The following GLCE variants were observed in gnomAD, a reference collection of about 807,000 sequenced individuals.
GLCE encodes the protein glucuronic acid epimerase, also known as D-glucuronyl C5-epimerase.
A neutral mutation model predicts 47.9 loss-of-function variants in GLCE; 19 were observed. The observed-to-expected ratio is 0.40, with a 90% CI of 0.28 to 0.58. The LOEUF (loss-of-function observed/expected upper bound fraction) is 0.58. Ranked by LOEUF, GLCE falls within the 20% of genes least tolerant of loss-of-function variation. The pLI, the probability that GLCE is intolerant of heterozygous loss-of-function variation, is 0.48. For synonymous variants in GLCE, 245 were observed against 263.4 expected (o/e 0.93, Z 0.68); for missense variants, 556 against 743.3 (o/e 0.75, Z 2.93).
At chr15:69,266,818 A>G (rs2053093842) in intron 4 of GLCE, 1 of 415,832 alleles carries the variant, frequency 2.4e-6, no homozygotes, top group African/African-American at 2.1e-5. Context: ...TCCCTGCTCT[A>G]CAACTAATTA....
chr15:69,165,971 T>C (rs902812132), intron 1 of GLCE, among the ~76,000 whole-genome samples: 2 of 152,210 alleles, frequency 1.3e-5, no homozygotes, highest in Admixed American at 1.3e-4. Flanking sequence ...TCTCGCACTT[T>C]AAGAGGTGAT....
At chr15:69,253,592 T>C (rs926278997) in intron 2 of GLCE, among the ~76,000 whole-genome samples, 6 of 152,084 alleles carry the variant, frequency 3.9e-5, no homozygotes, top group Admixed American at 2.6e-4. Context: ...AAGAAAGAAC[T>C]TTATTTTAAA....
intron 3 of GLCE, among the ~76,000 whole-genome samples, chr15:69,258,203 C>G (rs1462576143): frequency 6.6e-6 from 1 of 151,958 alleles, no homozygotes; most frequent in African/African-American, 2.4e-5. Flanking sequence ...TGTGTCCATG[C>G]GTTTTCATCA....
chr15:69,217,160 C>A (rs1400848360), intron 2 of GLCE, among the ~76,000 whole-genome samples: 1 of 151,752 alleles, frequency 6.6e-6, no homozygotes, highest in African/African-American at 2.4e-5. Flanking sequence ...CAATATAAAA[C>A]TTATAAAACA....
chr15:69,173,021 T>A (rs148532422), intron 1 of GLCE, among the ~76,000 whole-genome samples: 6 of 152,348 alleles, frequency 3.9e-5, no homozygotes, highest in Non-Finnish European at 8.8e-5. Flanking sequence ...GCAGTAGATG[T>A]GTGTTTGTTT....
chr15:69,161,666 A>G (rs533746216), intron 1 of GLCE, among the ~76,000 whole-genome samples: 2 of 152,274 alleles, frequency 1.3e-5, no homozygotes, highest in South Asian at 2.1e-4. Flanking sequence ...GATTTACTCA[A>G]TGCTTAGTTG....
intron 2 of GLCE, among the ~76,000 whole-genome samples, chr15:69,242,577 A>T (rs1342036416): frequency 1.3e-5 from 2 of 152,256 alleles, no homozygotes; most frequent in East Asian, 3.9e-4. Context: ...GTAGGAATTG[A>T]TGAGGATTTT....
At chr15:69,235,400 G>T (rs1167180630) in intron 2 of GLCE, among the ~76,000 whole-genome samples, 1 of 144,412 alleles carries the variant, frequency 6.9e-6, no homozygotes, top group Non-Finnish European at 1.5e-5. Context: ...GAGTCACTGT[G>T]CCCGGCCTGA....
At chr15:69,180,016 G>C (rs1462250603) in intron 1 of GLCE, among the ~76,000 whole-genome samples, 1 of 151,710 alleles carries the variant, frequency 6.6e-6, no homozygotes, top group Non-Finnish European at 1.5e-5. Context: ...AGTGCCAAAA[G>C]AACGTATTTA....
In GLCE at chr15:69,269,289, A is replaced by C. The variant is rs766188913; in HGVS notation, c.*45A>C. ...ACTTCAGCCTCTGCTGTACACAGAA[A>C]CTACAGGCTCTGTCTCAGGAGAGCA... On this transcript the variant is annotated 3_prime_UTR_variant, in exon 5 of 5. Transcript: ENST00000261858. The C allele has an allele frequency of 2.5e-5, 37 of 1,472,258 alleles. No homozygotes were observed. In the East Asian group the frequency reaches 7.9e-4, roughly 32 times the overall value. The allele number at this position is 1,472,258 out of a possible 1,614,324, so 91.2% of individuals were successfully genotyped here.
intron 1 of GLCE, chr15:69,197,226 A>C (rs1383271550): frequency 2.4e-5 from 10 of 417,992 alleles, no homozygotes; most frequent in African/African-American, 1.0e-4. Flanking sequence ...TGCCTCATCC[A>C]CCGTATTCAC....
chr15:69,248,213 A>T (rs117675361), intron 2 of GLCE, among the ~76,000 whole-genome samples: 5,031 of 152,310 alleles, frequency 0.033, 124 homozygotes, highest in Non-Finnish European at 0.052. Context: ...AACAACCAAA[A>T]ATATTAGGCA....
intron 3 of GLCE, among the ~76,000 whole-genome samples, chr15:69,256,634 C>G (rs1427074971): frequency 6.6e-6 from 1 of 152,120 alleles, no homozygotes; most frequent in Non-Finnish European, 1.5e-5. Flanking sequence ...AACTCAGAAT[C>G]TAAAATTCTC....
chr15:69,216,790 A>G (rs1277599963), intron 2 of GLCE, among the ~76,000 whole-genome samples: 1 of 152,138 alleles, frequency 6.6e-6, no homozygotes, highest in East Asian at 1.9e-4. Context: ...TATGCCTTAA[A>G]GGATAGCATT....
chr15:69,202,156 A>G (rs979041657), intron 1 of GLCE, among the ~76,000 whole-genome samples: 65 of 151,994 alleles, frequency 4.3e-4, no homozygotes, highest in Admixed American at 1.4e-3. Context: ...CTGGGCTCAA[A>G]CTATCCTTAC....
At chr15:69,200,384 G>T (rs971677630) in intron 1 of GLCE, among the ~76,000 whole-genome samples, 2 of 152,150 alleles carry the variant, frequency 1.3e-5, no homozygotes, top group African/African-American at 4.8e-5. Flanking sequence ...TTGGGTCCTT[G>T]GTACTGCAAT....
chr15:69,257,325 A>T (rs1197555022), intron 3 of GLCE, among the ~76,000 whole-genome samples: 1 of 151,876 alleles, frequency 6.6e-6, no homozygotes, highest in Non-Finnish European at 1.5e-5. Flanking sequence ...TACTTAGATA[A>T]ATTTTTTATA....
At chr15:69,208,791 C>CAT (rs2052186277) in intron 1 of GLCE, among the ~76,000 whole-genome samples, 1 of 152,044 alleles carries the variant, frequency 6.6e-6, no homozygotes, top group Non-Finnish European at 1.5e-5. Flanking sequence ...TTTCCTGATG[C>CAT]ATACATCAGC....
At chr15:69,189,408 G>T (rs948093148) in intron 1 of GLCE, among the ~76,000 whole-genome samples, 4 of 152,136 alleles carry the variant, frequency 2.6e-5, no homozygotes, top group Admixed American at 6.5e-5. Context: ...ATATTCCATT[G>T]TCTGGATGTG....
Sources: gnomAD v4.1 joint callset for allele counts (sites outside exome capture counted in the v4.1 genomes callset) on GRCh38, gnomAD v4.1.1 for gene constraint, MANE v1.5 for transcripts, NCBI Gene and HGNC (gene_info 2026-07-23, HGNC 2026-07-21) for gene names.